PDZD2: variants seen among roughly 807,000 people sequenced by gnomAD.
PDZD2 encodes the protein PDZ domain-containing protein 2.
In PDZD2, 90 loss-of-function variants were observed where a neutral mutation model predicts 220.7. That is an observed-to-expected ratio of 0.41 (90% CI 0.34 to 0.49). The LOEUF (loss-of-function observed/expected upper bound fraction) is 0.49, where lower values mean the gene tolerates loss of function less well. PDZD2 is among the 20% of genes least tolerant of loss of function. The pLI is 0.28. For synonymous variants in PDZD2, 1,375 were observed against 1,450.5 expected (o/e 0.95, Z 1.18); for missense variants, 3,174 against 3,608.5 (o/e 0.88, Z 3.08).
intron 1 of PDZD2, among the ~76,000 whole-genome samples, chr5:31,784,820 T>C (rs965565826): frequency 6.6e-6 from 1 of 151,942 alleles, no homozygotes; most frequent in Non-Finnish European, 1.5e-5. Context: ...GGCAGAAGAA[T>C]CGCTTGAACC....
At chr5:32,078,798 C>A in intron 19 of PDZD2, among the ~76,000 whole-genome samples, 1 of 141,560 alleles carries the variant, frequency 7.1e-6, no homozygotes, top group South Asian at 2.4e-4. Context: ...GAACTAGACC[C>A]AATCTCTGGG....
intron 6 of PDZD2, among the ~76,000 whole-genome samples, chr5:32,031,371 A>G (rs16901746): frequency 0.57 from 86,036 of 151,844 alleles, 24,811 homozygotes; most frequent in South Asian, 0.63. Context: ...CTTTTCCACT[A>G]CGCCTATTCT....
rs561333939 is a variant in PDZD2, at chr5:31,969,482, C to G, written c.477-13673C>G. On this transcript the variant is annotated intron_variant, in intron 2 of 24. Transcript: ENST00000438447. ...TGAGATTACACGACTGTACTCCAGG[C>G]TGGGTGACAGAGCAAGGCCCCCTCT... 4.0e-3 allele frequency among the ~76,000 whole-genome samples: 486 copies of G among 120,042 alleles called. 3 individuals are homozygous for G. The highest frequency in any genetic ancestry group is 6.2e-3 in the Admixed American group (57 of 9,208). The allele number at this position is 120,042 out of a possible 152,430, so 78.8% of individuals were successfully genotyped here.
At chr5:31,715,637 T>A (rs253931) in intron 1 of PDZD2, among the ~76,000 whole-genome samples, 115,441 of 152,224 alleles carry the variant, frequency 0.76, 43,909 homozygotes, top group East Asian at 0.94. Context: ...TAAAAGTTGT[T>A]CACTAGAAAA....
chr5:31,678,327 G>A (rs1746523368), intron 1 of PDZD2, among the ~76,000 whole-genome samples: 2 of 152,198 alleles, frequency 1.3e-5, no homozygotes, highest in South Asian at 4.1e-4. Flanking sequence ...TGAGAGTTGT[G>A]ATCTGAGATC....
chr5:31,903,076 C>T (rs1431119940), intron 2 of PDZD2, among the ~76,000 whole-genome samples: 1 of 151,836 alleles, frequency 6.6e-6, no homozygotes, highest in East Asian at 1.9e-4. Flanking sequence ...GGGTGGATCA[C>T]CTGAGGTCAG....
chr5:31,966,523 G>A (rs971989444), intron 2 of PDZD2, among the ~76,000 whole-genome samples: 9 of 152,116 alleles, frequency 5.9e-5, no homozygotes, highest in African/African-American at 9.7e-5. Flanking sequence ...ACCAGGGGTC[G>A]CAGAGAGATT....
chr5:31,856,983 TACTC>T (rs1356726206), intron 2 of PDZD2, among the ~76,000 whole-genome samples: 1 of 151,722 alleles, frequency 6.6e-6, no homozygotes. Context: ...CTAGGGACAG[TACTC>T]ACTCACCTTA....
intron 1 of PDZD2, among the ~76,000 whole-genome samples, chr5:31,640,258 G>T (rs1408991666): frequency 6.6e-6 from 1 of 152,230 alleles, no homozygotes; most frequent in African/African-American, 2.4e-5. Flanking sequence ...TCTATGCAGA[G>T]ACCTTGATAA....
chr5:31,981,398 C>G (rs528313964), intron 2 of PDZD2, among the ~76,000 whole-genome samples: 101 of 152,310 alleles, frequency 6.6e-4, no homozygotes, highest in African/African-American at 2.2e-3. Flanking sequence ...TAGTGCATTT[C>G]AAGCACATCT....
At chr5:32,078,527 G>A (rs1741548944) in intron 19 of PDZD2, among the ~76,000 whole-genome samples, 1 of 151,680 alleles carries the variant, frequency 6.6e-6, no homozygotes, top group African/African-American at 2.4e-5. Context: ...AGCTACTCAG[G>A]AGGCTGAGGC....
intron 2 of PDZD2, among the ~76,000 whole-genome samples, chr5:31,857,564 A>G (rs1408672300): frequency 1.3e-5 from 2 of 152,178 alleles, no homozygotes; most frequent in Non-Finnish European, 2.9e-5. Context: ...GCTTTTCTAG[A>G]TTTCAGAATT....
chr5:31,649,581 A>G (rs1207349966), intron 1 of PDZD2, among the ~76,000 whole-genome samples: 3 of 152,098 alleles, frequency 2.0e-5, no homozygotes, highest in Non-Finnish European at 4.4e-5. Flanking sequence ...TGTATCTCAC[A>G]TGCTGAAAAT....
At chr5:31,946,979 C>A (rs4867406) in intron 2 of PDZD2, among the ~76,000 whole-genome samples, 141,234 of 152,250 alleles carry the variant, frequency 0.93, 65,581 homozygotes, top group Middle Eastern at 0.96. Flanking sequence ...GTTGGGATTA[C>A]AAGCATGGGC....
chr5:31,864,927 C>A (rs573495849), intron 2 of PDZD2, among the ~76,000 whole-genome samples: 1 of 132,264 alleles, frequency 7.6e-6, no homozygotes, highest in Non-Finnish European at 1.5e-5. Context: ...CGGCTCACTT[C>A]AAGCTCCGCC....
chr5:32,087,905 C>T lies in PDZD2; in HGVS notation c.4457C>T (p.Ala1486Val), dbSNP rs756008372. ...GGCCAGACCTCCTCCCCGAGGAGGGCCTGGGCTGCTGGTGCCCCCGCCTAC... is the reference window on the plus strand; with the variant it reads ...GGCCAGACCTCCTCCCCGAGGAGGGTCTGGGCTGCTGGTGCCCCCGCCTAC... ...PGGQTSSPRR[A>V]WAAGAPAYPQ... Residue 1486 changes from alanine to valine, a missense_variant, in exon 20 of 25, where the codon GCC becomes GTC. By Grantham distance (64) the Ala-to-Val change is moderately conservative. Transcript: ENST00000438447. This position sits in a 1 kb window ranked among gnomAD's most constrained non-coding sequence, Gnocchi z 4.0. The T allele has an allele frequency of 5.0e-6, 8 of 1,613,522 alleles. No homozygotes were observed. Among genetic ancestry groups the T allele is most frequent in the South Asian group, 1.1e-5 (1 of 91,056 alleles).
intron 2 of PDZD2, among the ~76,000 whole-genome samples, chr5:31,926,526 G>GAAAAAAAAAAAAAAAA (rs71300157): frequency 6.0e-5 from 5 of 83,968 alleles, no homozygotes; most frequent in Admixed American, 1.6e-4. Flanking sequence ...AACTGCATCT[G>GAAAAAAAAAAAAAAAA]AAAAAAAAAA....
intron 1 of PDZD2, among the ~76,000 whole-genome samples, chr5:31,769,906 GT>G (rs1404578106): frequency 2.6e-5 from 4 of 152,036 alleles, no homozygotes; most frequent in Non-Finnish European, 5.9e-5. Context: ...GTTTTGTTTT[GT>G]TTTTTTCTTG....
intron 2 of PDZD2, among the ~76,000 whole-genome samples, chr5:31,962,247 C>T (rs1748313121): frequency 6.6e-6 from 1 of 152,174 alleles, no homozygotes; most frequent in South Asian, 2.1e-4. Flanking sequence ...ACTTCTCTTT[C>T]CTTTAAGTCA....
Sources: allele counts gnomAD v4.1 joint callset (sites outside exome capture counted in the v4.1 genomes callset), GRCh38; gene constraint gnomAD v4.1.1; non-coding constraint Gnocchi (gnomAD v3.1); transcripts MANE v1.5; gene names NCBI Gene and HGNC (gene_info 2026-07-23, HGNC 2026-07-21).